Variants in PRRC2B observed in about 807,000 individuals in gnomAD.
PRRC2B encodes protein PRRC2B.
Under a neutral mutation model 242.3 loss-of-function variants are expected in PRRC2B, and 68 were observed. The observed-to-expected ratio is 0.28, with a 90% CI of 0.23 to 0.34. The LOEUF is 0.34. Ranked by LOEUF, PRRC2B falls within the 10% of genes least tolerant of loss-of-function variation. PRRC2B has a pLI of 1.00. For missense variants in PRRC2B, 2,835 were observed against 2,954.8 expected, an observed-to-expected ratio of 0.96 and a Z score of 0.94; for synonymous variants, 1,228 against 1,173.6, an observed-to-expected ratio of 1.05 and a Z score of -0.95.
rs1333943207 is a variant in PRRC2B, at chr9:131,482,320, G to A, written c.4984-51G>A. ...GTGCCACATGCAGTTTTACTCTCTG[G>A]ATAATCGAGTTGGGAGTTTGAGGCT... On this transcript the variant is annotated intron_variant, in intron 20 of 31. Coordinates refer to ENST00000683519, the MANE Select transcript of PRRC2B (RefSeq NM_013318.4). The surrounding 1 kb of genome is among the most constrained non-coding windows in gnomAD (Gnocchi z 5.2). The A allele has an allele frequency of 8.6e-6, 13 of 1,511,538 alleles. No homozygotes were observed. In the East Asian group the frequency reaches 2.5e-4, roughly 29 times the overall value. The allele number at this position is 1,511,538 out of a possible 1,614,324, so 93.6% of individuals were successfully genotyped here.
chr9:131,421,333 G>C (rs1837834015), intron 1 of PRRC2B, among the ~76,000 whole-genome samples: 1 of 152,310 alleles, frequency 6.6e-6, no homozygotes, highest in South Asian at 2.1e-4. Context: ...TTTTTTGCCA[G>C]ACATTGATTG....
rs1036713412 is a variant in PRRC2B, at chr9:131,487,108, G to A, written c.5857-59G>A. 2 of 1,564,968 alleles carry A rather than the reference G, an allele frequency of 1.3e-6. No individual in the cohort carries two copies. The highest frequency in any genetic ancestry group is 1.8e-6 in the Non-Finnish European group (2 of 1,142,488). ...GAGAGGGGCAGGGGAGGTGGGAGGG[G>A]AAGAACCACCTGGATGGGCCTTGCG... On this transcript the variant is annotated intron_variant, in intron 26 of 31. Coordinates refer to ENST00000683519, the MANE Select transcript of PRRC2B (RefSeq NM_013318.4). This position sits in a 1 kb window ranked among gnomAD's most constrained non-coding sequence, Gnocchi z 5.3.
intron 30 of PRRC2B, among the ~76,000 whole-genome samples, chr9:131,493,656 A>G (rs1014564502): frequency 4.6e-5 from 7 of 152,208 alleles, no homozygotes; most frequent in African/African-American, 7.2e-5. Flanking sequence ...GGAAATTGCT[A>G]TAATTGTATA....
upstream of PRRC2B, among the ~76,000 whole-genome samples, chr9:131,391,646 G>A (rs941204431): frequency 5.9e-5 from 9 of 152,158 alleles, no homozygotes; most frequent in African/African-American, 1.7e-4. Context: ...TGGGTATGTC[G>A]TGAGGATTAC....
chr9:131,450,056 C>A (rs1248083009), intron 9 of PRRC2B, among the ~76,000 whole-genome samples: 1 of 152,108 alleles, frequency 6.6e-6, no homozygotes, highest in Admixed American at 6.5e-5. Flanking sequence ...GGACACTGTT[C>A]CATTGATCTA....
intron 26 of PRRC2B, chr9:131,486,679 C>G: frequency 3.5e-6 from 1 of 289,004 alleles, no homozygotes; most frequent in Non-Finnish European, 5.2e-6. Flanking sequence ...CCCCTCAGAC[C>G]CATGTGCCTC....
At chr9:131,426,337 C>CAAAAAAAAAA (rs5900939) in intron 1 of PRRC2B, among the ~76,000 whole-genome samples, 2 of 84,472 alleles carry the variant, frequency 2.4e-5, no homozygotes, top group African/African-American at 4.2e-5. Flanking sequence ...AACTCTGTCT[C>CAAAAAAAAAA]AAAAAAAAAA....
chr9:131,475,216 C>T lies in PRRC2B; in HGVS notation c.3087C>T (p.Ala1029=). ...KFEEEEKPDK[A]WEARPPRESS... Reference sequence around the variant, plus strand: ...AAGAGGAGGAGAAACCTGACAAGGCCTGGGAAGCCAGACCCCCACGAGAGT... The same window carrying T: ...AAGAGGAGGAGAAACCTGACAAGGCTTGGGAAGCCAGACCCCCACGAGAGT... The change falls in exon 16 of 32, where the codon GCC becomes GCT. Residue 1029 remains alanine, a synonymous_variant. Transcript: ENST00000683519. 2.5e-6 allele frequency: 4 copies of T among 1,613,772 alleles called. No individual in the cohort carries two copies. Among genetic ancestry groups the T allele is most frequent in the Non-Finnish European group, 3.4e-6 (4 of 1,179,876 alleles).
At chr9:131,441,577 C>T (rs1459292598) in intron 5 of PRRC2B, among the ~76,000 whole-genome samples, 1 of 152,170 alleles carries the variant, frequency 6.6e-6, no homozygotes, top group Non-Finnish European at 1.5e-5. Flanking sequence ...AACCTGCCAG[C>T]CCACAGAATC....
intron 3 of PRRC2B, among the ~76,000 whole-genome samples, chr9:131,436,381 GAA>G (rs951489569): frequency 6.6e-6 from 1 of 152,178 alleles, no homozygotes; most frequent in Non-Finnish European, 1.5e-5. Flanking sequence ...AAAAGAAAAA[GAA>G]AAAGTCAGAG....
At chr9:131,400,673 A>G (rs1837204887) in intron 1 of PRRC2B, among the ~76,000 whole-genome samples, 3 of 152,092 alleles carry the variant, frequency 2.0e-5, no homozygotes, top group Admixed American at 6.6e-5. Flanking sequence ...CCGCCTATCA[A>G]AGTGCTGGGA....
intron 1 of PRRC2B, among the ~76,000 whole-genome samples, chr9:131,401,098 G>A (rs954291532): frequency 2.7e-5 from 4 of 150,926 alleles, no homozygotes; most frequent in African/African-American, 7.3e-5. Context: ...TGATTTCTTC[G>A]GAGCCCCCTA....
Position 131,432,771 on chromosome 9 carries a change from G to A in PRRC2B, c.270G>A (p.Lys90=), listed in dbSNP as rs1838220819. ...AGGACGGGACGGGATGGGCAAACAA[G>A]CAGGATCAGCAAGACCCAAAGAGGT... is the stretch of plus-strand genomic sequence containing the variant. The part of the protein sequence containing the change: ...VPKDGTGWAN[K]QDQQDPKSSS... The change falls in exon 3 of 32, where the codon AAG becomes AAA. Residue 90 remains lysine, a synonymous_variant. Coordinates refer to ENST00000683519, the MANE Select transcript of PRRC2B (RefSeq NM_013318.4). 1 of 1,613,934 alleles carries A rather than the reference G, an allele frequency of 6.2e-7. No individual in the cohort carries two copies. The highest frequency in any genetic ancestry group is 8.5e-7 in the Non-Finnish European group (1 of 1,179,904).
intron 19 of PRRC2B, among the ~76,000 whole-genome samples, chr9:131,480,729 A>T (rs1450294818): frequency 6.6e-6 from 1 of 151,788 alleles, no homozygotes; most frequent in Non-Finnish European, 1.5e-5. Flanking sequence ...GGGATTGCAG[A>T]TATGTGCCCC....
chr9:131,420,435 T>TC, intron 1 of PRRC2B, among the ~76,000 whole-genome samples: 1 of 141,550 alleles, frequency 7.1e-6, no homozygotes, highest in Non-Finnish European at 1.5e-5. Context: ...TGCTTTTCTT[T>TC]TTTCTTTTTC....
chr9:131,410,410 G>A (rs1457437357), intron 1 of PRRC2B, among the ~76,000 whole-genome samples: 2 of 152,208 alleles, frequency 1.3e-5, no homozygotes, highest in African/African-American at 4.8e-5. Context: ...AGGTCCCCAG[G>A]GGTGCTGGCA....
intron 1 of PRRC2B, among the ~76,000 whole-genome samples, chr9:131,400,409 C>T (rs1477092208): frequency 6.6e-6 from 1 of 152,016 alleles, no homozygotes; most frequent in African/African-American, 2.4e-5. Flanking sequence ...ACCTCCACTT[C>T]CTGGGTTCAA....
intron 2 of PRRC2B, 85 bp downstream of exon 2, chr9:131,430,344 C>A: frequency 1.3e-6 from 1 of 789,924 alleles, no homozygotes; most frequent in Admixed American, 2.1e-5. Flanking sequence ...CCTGGTTAGA[C>A]AGATGTGGTC....
At chr9:131,388,840 C>CTTT (rs1315362492) in intron 1 of PRRC2B, among the ~76,000 whole-genome samples, 32 of 121,116 alleles carry the variant, frequency 2.6e-4, no homozygotes, top group African/African-American at 7.7e-4. Flanking sequence ...CTCCTTTTAC[C>CTTT]TTTTTTTTTT....
Sources: allele counts gnomAD v4.1 joint callset (sites outside exome capture counted in the v4.1 genomes callset), GRCh38; gene constraint gnomAD v4.1.1; non-coding constraint Gnocchi (gnomAD v3.1); transcripts MANE v1.5; gene names NCBI Gene and HGNC (gene_info 2026-07-23, HGNC 2026-07-21).